FBXO16: variants seen among roughly 807,000 people sequenced by gnomAD.
The protein encoded by FBXO16 is F-box only protein 16.
A neutral mutation model predicts 41.0 loss-of-function variants in FBXO16; 31 were observed. The observed-to-expected ratio is 0.76, with a 90% CI of 0.57 to 1.02. The LOEUF (loss-of-function observed/expected upper bound fraction) is 1.02. Ranked by LOEUF, FBXO16 falls within the 50% of genes least tolerant of loss-of-function variation. FBXO16 has a pLI of 0.00. For synonymous variants in FBXO16, 133 were observed against 117.8 expected, an observed-to-expected ratio of 1.13 and a Z score of -0.84; for missense variants, 361 against 346.2, an observed-to-expected ratio of 1.04 and a Z score of -0.34.
At chr8:28,474,360 G>GAA (rs1803389278) in intron 2 of FBXO16, among the ~76,000 whole-genome samples, 1 of 92,958 alleles carries the variant, frequency 1.1e-5, no homozygotes, top group Non-Finnish European at 2.3e-5. Context: ...AAAAGAGAGA[G>GAA]AAAGAAGAAA....
intron 6 of FBXO16, among the ~76,000 whole-genome samples, chr8:28,451,998 A>G (rs1488353511): frequency 6.6e-6 from 1 of 151,448 alleles, no homozygotes; most frequent in East Asian, 1.9e-4. Context: ...ACGTCTCAAA[A>G]AAAAAAAAAA....
At chr8:28,489,279 T>C (rs867629394) in intron 1 of FBXO16, among the ~76,000 whole-genome samples, 1 of 149,832 alleles carries the variant, frequency 6.7e-6, no homozygotes, top group Non-Finnish European at 1.5e-5. Context: ...GAGGCAGAGG[T>C]TGCAGTGAGC....
intron 7 of FBXO16, among the ~76,000 whole-genome samples, chr8:28,441,292 A>T (rs1303169691): frequency 1.3e-5 from 2 of 152,068 alleles, no homozygotes; most frequent in African/African-American, 2.4e-5. Flanking sequence ...TAATCTCTAG[A>T]CCAGCAGGTT....
intron 4 of FBXO16, among the ~76,000 whole-genome samples, chr8:28,461,749 AAATG>A (rs1381815276): frequency 1.3e-5 from 2 of 152,196 alleles, no homozygotes; most frequent in African/African-American, 4.8e-5. Context: ...ACGATACATA[AAATG>A]AAGAAAGCAA....
Position 28,438,462 on chromosome 8 carries a change from T to C in FBXO16, c.843+8709A>G, listed in dbSNP as rs537955016. On this transcript the variant is annotated intron_variant, in intron 7 of 8. Coordinates refer to ENST00000380254, the MANE Select transcript of FBXO16 (RefSeq NM_172366.4). ...GGGCCAGGGCCTCCCACCAATGCCT[T>C]CTGGCTGCCTGGCAGGTCCCTCCTC... Among the ~76,000 whole-genome samples the C allele has an allele frequency of 2.0e-5, 3 of 152,310 alleles. No individual in the cohort carries two copies. The South Asian group carries it at 6.2e-4, about 32-fold the overall frequency.
chr8:28,452,278 C>G lies in FBXO16; in HGVS notation c.706G>C (p.Asp236His). 2.5e-6 allele frequency: 4 copies of G among 1,614,118 alleles called. No individual in the cohort carries two copies. Among genetic ancestry groups the G allele is most frequent in the Non-Finnish European group, 3.4e-6 (4 of 1,180,022 alleles). ...PTDIIRFNYLDNRDPMETVQQ... is the reference protein window; with the variant it reads ...PTDIIRFNYLHNRDPMETVQQ... ...ACAGTCTCCATGGGGTCACGGTTGTCTAGGTAATTAAAACGAATGATATCT... is the reference window on the plus strand; with the variant it reads ...ACAGTCTCCATGGGGTCACGGTTGTGTAGGTAATTAAAACGAATGATATCT... Residue 236 changes from aspartate (D) to histidine (H), a missense_variant, in exon 6 of 9, where the codon GAC becomes CAC. Physicochemically the swap from Asp to His is moderately conservative, Grantham distance 81. Transcript: ENST00000380254.
intron 3 of FBXO16, among the ~76,000 whole-genome samples, chr8:28,464,864 G>A (rs1803208267): frequency 6.6e-6 from 1 of 152,144 alleles, no homozygotes. Context: ...ATGTTGGTCA[G>A]GCTGGTCTCG....
intron 7 of FBXO16, among the ~76,000 whole-genome samples, chr8:28,444,855 T>A (rs1802838620): frequency 7.5e-6 from 1 of 133,334 alleles, no homozygotes; most frequent in Non-Finnish European, 1.6e-5. Context: ...ATGGTCTCAA[T>A]CCCCTAACCT....
intron 7 of FBXO16, among the ~76,000 whole-genome samples, chr8:28,445,248 T>C (rs1060411): frequency 6.6e-6 from 1 of 151,920 alleles, no homozygotes; most frequent in East Asian, 1.9e-4. Flanking sequence ...CACTGCTTAA[T>C]GTACCCTGGT....
chr8:28,439,881 T>C (rs1167571523), intron 7 of FBXO16, among the ~76,000 whole-genome samples: 1 of 151,982 alleles, frequency 6.6e-6, no homozygotes. Context: ...TTCTTCTGTT[T>C]TGGTTCATTA....
intron 7 of FBXO16, among the ~76,000 whole-genome samples, chr8:28,432,207 C>T (rs1038790005): frequency 1.3e-5 from 2 of 151,878 alleles, no homozygotes; most frequent in African/African-American, 4.8e-5. Flanking sequence ...GGTGCAGTGG[C>T]TCACGCCTGT....
intron 7 of FBXO16, among the ~76,000 whole-genome samples, chr8:28,432,758 C>T (rs1016523000): frequency 6.6e-6 from 1 of 151,990 alleles, no homozygotes; most frequent in African/African-American, 2.4e-5. Flanking sequence ...CCTGGAACAC[C>T]ATCATAAGAA....
chr8:28,463,381 T>C (rs1029350440), intron 4 of FBXO16, among the ~76,000 whole-genome samples: 3 of 139,028 alleles, frequency 2.2e-5, no homozygotes, highest in Non-Finnish European at 4.8e-5. Context: ...TGTGTGTGTT[T>C]GTGTGTTTGT....
In FBXO16 at chr8:28,463,766, T is replaced by C; in HGVS notation, c.188A>G (p.Glu63Gly). 6.2e-7 allele frequency: 1 copy of C among 1,614,126 alleles called. No individual in the cohort carries two copies. Among genetic ancestry groups the C allele is most frequent in the Middle Eastern group, 1.7e-4 (1 of 6,058 alleles). ...QRRRILTGLL[E>G]RCSLSQQKFC... is the part of the protein sequence containing the mutation. Reference sequence around the variant, plus strand: ...CTTTTGCTGGGACAGCGAGCAGCGCTCCAACAGGCCTGTGAGGATTCTTCT... The same window carrying C: ...CTTTTGCTGGGACAGCGAGCAGCGCCCCAACAGGCCTGTGAGGATTCTTCT... The change falls in exon 4 of 9, where the codon GAG (glutamate) becomes GGG (glycine). Residue 63 changes from glutamate to glycine, a missense_variant. By Grantham distance (98) the Glu-to-Gly change is moderately conservative. Transcript: ENST00000380254.
Position 28,456,918 on chromosome 8 carries a change from A to C in FBXO16, c.355T>G (p.Trp119Gly), listed in dbSNP as rs2130137988. 6.2e-7 allele frequency: 1 copy of C among 1,613,154 alleles called. No homozygotes were observed. The highest frequency in any genetic ancestry group is 2.2e-5 in the East Asian group (1 of 44,862). ...TGGTCCAGCTCAGCAAGGTTCTTCC[A>C]ATGCCAGCACACCTGGAAAAACAAT... Reference protein sequence around the residue: ...LCRCAQVCWHWKNLAELDQLW... With the variant: ...LCRCAQVCWHGKNLAELDQLW... The change falls in exon 5 of 9, where the codon TGG (tryptophan) becomes GGG (glycine). Residue 119 changes from tryptophan (W) to glycine (G), a missense_variant. Trp to Gly is a radical substitution (Grantham distance 184). Coordinates refer to ENST00000380254, the MANE Select transcript of FBXO16 (RefSeq NM_172366.4).
chr8:28,438,141 C>T (rs1245144513), intron 7 of FBXO16, among the ~76,000 whole-genome samples: 2 of 151,924 alleles, frequency 1.3e-5, no homozygotes, highest in Non-Finnish European at 2.9e-5. Flanking sequence ...CATGGAGAAA[C>T]CCCGTCTCTA....
At chr8:28,470,389 AAGG>A (rs1258971585) in intron 3 of FBXO16, among the ~76,000 whole-genome samples, 2 of 152,192 alleles carry the variant, frequency 1.3e-5, no homozygotes, top group African/African-American at 2.4e-5. Context: ...AAGAAAGAAA[AAGG>A]AGGAGGAGGA....
In FBXO16 at chr8:28,446,176, C is replaced by CTTTTTTTT. The variant is rs11421643; in HGVS notation, c.843+987_843+994dup. On this transcript the variant is annotated intron_variant, in intron 7 of 8. Coordinates refer to ENST00000380254, the MANE Select transcript of FBXO16 (RefSeq NM_172366.4). ...CAAAGTTACTTTAAATGCATTTTTCCTTTTTTTTTTTTTTTTTTTTTTTGA... is the reference window on the plus strand; with the variant it reads ...CAAAGTTACTTTAAATGCATTTTTCCTTTTTTTTTTTTTTTTTTTTTTTTTTTTTTTGA... Among the ~76,000 whole-genome samples the CTTTTTTTT allele has an allele frequency of 3.0e-4, 25 of 83,068 alleles. 1 individual carries two copies. Among genetic ancestry groups the CTTTTTTTT allele is most frequent in the Admixed American group, 5.2e-4 (3 of 5,726 alleles). The allele number at this position is 83,068 out of a possible 152,430, so 54.5% of individuals were successfully genotyped here. A position where few individuals can be genotyped will look rare whatever the true frequency, so the allele number is the denominator to read the frequency against.
At chr8:28,489,566 G>A (rs1391633617) in intron 1 of FBXO16, among the ~76,000 whole-genome samples, 2 of 151,858 alleles carry the variant, frequency 1.3e-5, no homozygotes, top group Non-Finnish European at 2.9e-5. Context: ...TGGGTGTGGC[G>A]GTGGGCTCCT....
Sources: allele counts gnomAD v4.1 joint callset (sites outside exome capture counted in the v4.1 genomes callset), GRCh38; gene constraint gnomAD v4.1.1; transcripts MANE v1.5; gene names NCBI Gene and HGNC (gene_info 2026-07-23, HGNC 2026-07-21).